TRIP12: variants seen among roughly 807,000 people sequenced by gnomAD.
TRIP12 encodes the protein thyroid hormone receptor interactor 12.
Under a neutral mutation model 244.2 loss-of-function variants are expected in TRIP12, and 25 were observed. The ratio of observed to expected loss-of-function variants is 0.10; its 90% CI spans 0.07 to 0.14. The LOEUF (loss-of-function observed/expected upper bound fraction) is 0.14, where lower values mean the gene tolerates loss of function less well. TRIP12 is among the 10% of genes least tolerant of loss of function. TRIP12 has a pLI of 1.00. For missense variants in TRIP12, 1,677 were observed against 2,486.4 expected, an observed-to-expected ratio of 0.67 and a Z score of 6.92; for synonymous variants, 905 against 873.1, an observed-to-expected ratio of 1.04 and a Z score of -0.64.
At chr2:229,798,738 C>A in intron 23 of TRIP12, 137 bp downstream of exon 23, 1 of 976,342 alleles carries the variant, frequency 1.0e-6, no homozygotes, top group Non-Finnish European at 1.5e-6. Context: ...CTACCTAATT[C>A]TTGAACTATG....
In TRIP12 at chr2:229,814,293, C is replaced by T. The variant is rs773018848; in HGVS notation, c.1764G>A (p.Glu588=). The T allele has an allele frequency of 5.0e-6, 8 of 1,614,024 alleles. No homozygotes were observed. In the Admixed American group the frequency reaches 1.3e-4, roughly 27 times the overall value. The change falls in exon 12 of 42, where the codon GAG becomes GAA. Residue 588 remains glutamate (E), a synonymous_variant. Transcript: ENST00000675903. ...LQVIQCIDVA[E]QALTALEMLS... ...ACATCTCCAAGGCAGTCAAGGCCTG[C>T]TCTGCCACATCAATACACTGAATAA...
intron 4 of TRIP12, among the ~76,000 whole-genome samples, chr2:229,847,589 C>CG (rs1468534586): frequency 6.6e-6 from 1 of 152,084 alleles, no homozygotes; most frequent in Non-Finnish European, 1.5e-5. Context: ...CCAGAAATGC[C>CG]GGGGCTAAAT....
At chr2:229,903,653 A>C (rs1473201158) in intron 1 of TRIP12, among the ~76,000 whole-genome samples, 1 of 152,146 alleles carries the variant, frequency 6.6e-6, no homozygotes, top group African/African-American at 2.4e-5. Context: ...ATGATATTAC[A>C]AGTATCCCAA....
At chr2:229,838,903 TTA>T (rs1288887233) in intron 5 of TRIP12, among the ~76,000 whole-genome samples, 1 of 152,192 alleles carries the variant, frequency 6.6e-6, no homozygotes, top group African/African-American at 2.4e-5. Context: ...TACTGTTTAC[TTA>T]TGTCGCTATT....
chr2:229,922,367 C>G (rs1040357687), upstream of TRIP12: 27 of 756,976 alleles, frequency 3.6e-5, no homozygotes, highest in Admixed American at 3.2e-4. Flanking sequence ...CCCTAAGACC[C>G]TTGGAAGAGG....
intron 1 of TRIP12, among the ~76,000 whole-genome samples, chr2:229,885,010 G>A (rs879366619): frequency 2.0e-5 from 3 of 152,160 alleles, no homozygotes; most frequent in Non-Finnish European, 4.4e-5. Flanking sequence ...TATTGCACTA[G>A]TGACATTCTG....
At chr2:229,824,877 T>C (rs968175467) in intron 8 of TRIP12, among the ~76,000 whole-genome samples, 2 of 152,310 alleles carry the variant, frequency 1.3e-5, no homozygotes, top group African/African-American at 4.8e-5. Flanking sequence ...TTTCTAAATA[T>C]ATGTTGTTTG....
intron 24 of TRIP12, among the ~76,000 whole-genome samples, chr2:229,797,370 C>T (rs1053935953): frequency 3.1e-4 from 47 of 152,188 alleles, no homozygotes; most frequent in Admixed American, 2.9e-3. Context: ...GGCCTATCAT[C>T]TATACCTATA....
intron 4 of TRIP12, among the ~76,000 whole-genome samples, chr2:229,851,049 C>G (rs2058596557): frequency 6.6e-6 from 1 of 152,242 alleles, no homozygotes; most frequent in South Asian, 2.1e-4. Context: ...GAGCGCCGCC[C>G]CCTGCTCCAG....
chr2:229,812,362 C>A (rs964392128), intron 13 of TRIP12, among the ~76,000 whole-genome samples: 1 of 152,040 alleles, frequency 6.6e-6, no homozygotes, highest in Non-Finnish European at 1.5e-5. Context: ...ATTACAGGTG[C>A]GAGTCACTGT....
intron 8 of TRIP12, among the ~76,000 whole-genome samples, chr2:229,821,952 C>G (rs150966654): frequency 6.8e-4 from 104 of 152,260 alleles, no homozygotes; most frequent in African/African-American, 2.4e-3. Flanking sequence ...ACAGCCTGGC[C>G]AGCATGGTGA....
At chr2:229,770,124 C>G (rs950321526) in intron 39 of TRIP12, among the ~76,000 whole-genome samples, 6 of 149,982 alleles carry the variant, frequency 4.0e-5, no homozygotes, top group Non-Finnish European at 5.9e-5. Flanking sequence ...GTGCATACCA[C>G]CACGCCCAGC....
chr2:229,800,719 T>A (rs2044070374), intron 21 of TRIP12, among the ~76,000 whole-genome samples: 1 of 152,228 alleles, frequency 6.6e-6, no homozygotes, highest in Non-Finnish European at 1.5e-5. Context: ...CATAATCAAC[T>A]GTTAGACTCT....
chr2:229,796,535 A>G, intron 25 of TRIP12, 56 bp downstream of exon 25: 1 of 1,391,952 alleles, frequency 7.2e-7, no homozygotes, highest in Non-Finnish European at 9.5e-7. Context: ...ATGAAAATAT[A>G]TGCATTAGTG....
intron 1 of TRIP12, among the ~76,000 whole-genome samples, chr2:229,907,161 G>A (rs971375355): frequency 6.6e-6 from 1 of 152,124 alleles, no homozygotes; most frequent in South Asian, 2.1e-4. Context: ...GCCACCAACT[G>A]TGAAAATAAG....
intron 3 of TRIP12, 92 bp downstream of exon 3, chr2:229,860,314 C>T (rs902608702): frequency 5.6e-5 from 81 of 1,448,546 alleles, no homozygotes; most frequent in Non-Finnish European, 6.8e-5. Flanking sequence ...TGTATCAAAA[C>T]GTTTTGGAAT....
chr2:229,812,329 C>T (rs113690002), intron 13 of TRIP12, among the ~76,000 whole-genome samples: 20,288 of 152,164 alleles, frequency 0.13, 1,413 homozygotes, highest in Admixed American at 0.19. Flanking sequence ...GATCCACCTG[C>T]CTTGGCCTCC....
intron 4 of TRIP12, among the ~76,000 whole-genome samples, chr2:229,853,679 A>C (rs1559872656): frequency 1.3e-5 from 2 of 151,410 alleles, no homozygotes; most frequent in African/African-American, 4.9e-5. Context: ...AAATAAATAA[A>C]ATACATACAT....
intron 1 of TRIP12, among the ~76,000 whole-genome samples, chr2:229,920,644 TC>T (rs2076330822): frequency 6.6e-6 from 1 of 152,196 alleles, no homozygotes; most frequent in African/African-American, 2.4e-5. Flanking sequence ...AGCTGCCCCT[TC>T]CGTTATCTCC....
Sources: allele counts gnomAD v4.1 joint callset (sites outside exome capture counted in the v4.1 genomes callset), GRCh38; gene constraint gnomAD v4.1.1; transcripts MANE v1.5; gene names NCBI Gene and HGNC (gene_info 2026-07-23, HGNC 2026-07-21).